ABHD6: variants seen among roughly 807,000 people sequenced by gnomAD.
ABHD6 encodes the protein monoacylglycerol lipase ABHD6.
Under a neutral mutation model 38.8 loss-of-function variants are expected in ABHD6, and 33 were observed. The ratio of observed to expected loss-of-function variants is 0.85; its 90% CI spans 0.64 to 1.14. ABHD6 has a LOEUF of 1.14. Ranked by LOEUF, ABHD6 falls within the 50% of genes most tolerant of loss-of-function variation. ABHD6 has a pLI of 0.00. For missense variants in ABHD6, 380 were observed against 422.6 expected (o/e 0.90, Z 0.88); for synonymous variants, 147 against 161.6 (o/e 0.91, Z 0.69).
At position 58,285,588 on chromosome 3, in the gene ABHD6, G is replaced by C; in HGVS notation, c.837+135G>C. Reference sequence around the variant, plus strand: ...TCAGGAAGAGGGGGAAGGCACCTGTGTTGGGTGCCAGTGTTGACAGTGGGC... The same window carrying C: ...TCAGGAAGAGGGGGAAGGCACCTGTCTTGGGTGCCAGTGTTGACAGTGGGC... On this transcript the variant is annotated intron_variant, in intron 9 of 9. Transcript: ENST00000478253. This position sits in a 1 kb window ranked among gnomAD's most constrained non-coding sequence, Gnocchi z 4.9. 1 of 741,208 alleles carries C rather than the reference G, an allele frequency of 1.3e-6. No individual in the cohort carries two copies. The highest frequency in any genetic ancestry group is 1.7e-5 in the South Asian group (1 of 58,724). The allele number at this position is 741,208 out of a possible 1,614,324, so 45.9% of individuals were successfully genotyped here.
rs180960297 is a variant in ABHD6 at position 58,279,846 on chromosome 3, T to C, written c.681+5031T>C. On this transcript the variant is annotated intron_variant, in intron 7 of 9. Coordinates refer to ENST00000478253, the MANE Select transcript of ABHD6 (RefSeq NM_001320126.2). ...AAGGATTTTATTTCTCCCTCACTTA[T>C]GAAGCTTAGTTTGGCTGGATATGAA... Among the ~76,000 whole-genome samples the C allele has an allele frequency of 6.8e-3, 1,036 of 152,344 alleles. 5 individuals carry two copies. The highest frequency in any genetic ancestry group is 7.9e-3 in the Non-Finnish European group (536 of 68,038).
intron 2 of ABHD6, among the ~76,000 whole-genome samples, chr3:58,253,652 CCTTA>C (rs1221721529): frequency 2.0e-5 from 3 of 152,108 alleles, no homozygotes; most frequent in Admixed American, 1.3e-4. Flanking sequence ...TTCATTTGTA[CCTTA>C]TTTGTGTCCT....
In ABHD6 at chr3:58,258,628, A is replaced by G. The variant is rs958776900; in HGVS notation, c.119+1923A>G. On this transcript the variant is annotated intron_variant, in intron 3 of 9. Coordinates refer to ENST00000478253, the MANE Select transcript of ABHD6 (RefSeq NM_001320126.2). The stretch of plus-strand genomic sequence containing the variant: ...CTGGTTCCTCTCTGTGCTATAGGTA[A>G]GCCCATTGAGATCTAACTGGGACTT... 4.4e-5 allele frequency: 9 copies of G among 202,286 alleles called. No homozygotes were observed. In the Admixed American group the frequency reaches 4.8e-4, roughly 11 times the overall value. The allele number at this position is 202,286 out of a possible 1,614,324, so 12.5% of individuals were successfully genotyped here.
Position 58,267,065 on chromosome 3 carries a change from A to G in ABHD6, c.120-124A>G. On this transcript the variant is annotated intron_variant, in intron 3 of 9. Transcript: ENST00000478253. This position sits in a 1 kb window ranked among gnomAD's most constrained non-coding sequence, Gnocchi z 4.3. ...AGGACTCTAGAGACTGATGGAGGAC[A>G]AGGGCTGGAGAAGTGTTTGTGTTAT... is the stretch of plus-strand genomic sequence containing the variant. 4 of 1,066,884 alleles carry G rather than the reference A, an allele frequency of 3.7e-6. No homozygotes were observed. Among genetic ancestry groups the G allele is most frequent in the Non-Finnish European group, 5.5e-6 (4 of 732,910 alleles). 66.1% of individuals were successfully genotyped at this position (1,066,884 alleles called of 1,614,324 possible). A position where few individuals can be genotyped will look rare whatever the true frequency, so the allele number is the denominator to read the frequency against.
At position 58,293,895 on chromosome 3, in the gene ABHD6, C is replaced by A; in HGVS notation, c.*130C>A. The A allele has an allele frequency of 9.8e-7, 1 of 1,021,252 alleles. No homozygotes were observed. The highest frequency in any genetic ancestry group is 1.8e-5 in the South Asian group (1 of 55,210). 63.3% of individuals were successfully genotyped at this position (1,021,252 alleles called of 1,614,324 possible). A position where few individuals can be genotyped will look rare whatever the true frequency, so the allele number is the denominator to read the frequency against. On this transcript the variant is annotated 3_prime_UTR_variant, in exon 10 of 10. Transcript: ENST00000478253. This position sits in a 1 kb window ranked among gnomAD's most constrained non-coding sequence, Gnocchi z 4.4. ...CCAGTGACCCTGAGGAAGCCCGTCC[C>A]TTATCCCTGGTATCCACGGTTCCCC...
chr3:58,278,107 A>G (rs1428284185), intron 7 of ABHD6, among the ~76,000 whole-genome samples: 14 of 152,172 alleles, frequency 9.2e-5, no homozygotes, highest in Non-Finnish European at 1.5e-4. Flanking sequence ...CATCAGGATG[A>G]TGCAGGCCTC....
At chr3:58,255,361 A>G (rs2097432543) in intron 2 of ABHD6, among the ~76,000 whole-genome samples, 1 of 152,150 alleles carries the variant, frequency 6.6e-6, no homozygotes, top group Non-Finnish European at 1.5e-5. Flanking sequence ...TATTCCTGAC[A>G]CTTAGCTATC....
chr3:58,290,306 C>T (rs1323078365), intron 9 of ABHD6, among the ~76,000 whole-genome samples: 1 of 141,192 alleles, frequency 7.1e-6, no homozygotes, highest in African/African-American at 2.6e-5. Flanking sequence ...TGACCCCCCC[C>T]ACCTCCCTCC....
In ABHD6 at chr3:58,294,063, C is replaced by T. The variant is rs2097465520; in HGVS notation, c.*298C>T. ...CACTGAGAAGCTTGTGCAAAGCAGC[C>T]ACCTTGGACCATAATTAAATCAAGG... On this transcript the variant is annotated 3_prime_UTR_variant, in exon 10 of 10. Coordinates refer to ENST00000478253, the MANE Select transcript of ABHD6 (RefSeq NM_001320126.2). The T allele has an allele frequency of 3.7e-6, 1 of 267,888 alleles. No individual in the cohort carries two copies. The highest frequency in any genetic ancestry group is 4.9e-5 in the Admixed American group (1 of 20,368). 16.6% of individuals were successfully genotyped at this position (267,888 alleles called of 1,614,324 possible). A position where few individuals can be genotyped will look rare whatever the true frequency, so the allele number is the denominator to read the frequency against.
At chr3:58,244,189 AATCAAAGCCAGTG>A (rs1475638393) in intron 1 of ABHD6, among the ~76,000 whole-genome samples, 1 of 152,200 alleles carries the variant, frequency 6.6e-6, no homozygotes, top group East Asian at 1.9e-4. Flanking sequence ...TATCTCTTGA[AATCAAAGCCAGTG>A]ATGTTAAGGA....
intron 7 of ABHD6, among the ~76,000 whole-genome samples, chr3:58,279,792 C>T (rs1054247092): frequency 1.9e-4 from 29 of 152,174 alleles, no homozygotes; most frequent in Admixed American, 4.6e-4. Context: ...CTGGTGGTGA[C>T]AGAATCTCTC....
chr3:58,264,398 C>T (rs1005177681), intron 3 of ABHD6, among the ~76,000 whole-genome samples: 1 of 33,936 alleles, frequency 2.9e-5, no homozygotes, highest in African/African-American at 2.1e-4. Context: ...CACACACACA[C>T]ACACACACAC....
chr3:58,291,135 C>T (rs1484024168), intron 9 of ABHD6, among the ~76,000 whole-genome samples: 23 of 151,402 alleles, frequency 1.5e-4, no homozygotes, highest in Middle Eastern at 3.4e-3. Flanking sequence ...CCGGCACCTC[C>T]GGAGGCCGAG....
chr3:58,282,577 A>T (rs1034583750), intron 7 of ABHD6, among the ~76,000 whole-genome samples: 17 of 151,992 alleles, frequency 1.1e-4, no homozygotes, highest in African/African-American at 2.4e-4. Flanking sequence ...ACAAAAAAAA[A>T]TTTTTTTAAT....
chr3:58,252,636 C>A (rs1419282575), intron 2 of ABHD6, among the ~76,000 whole-genome samples: 1 of 152,206 alleles, frequency 6.6e-6, no homozygotes, highest in Non-Finnish European at 1.5e-5. Context: ...CTGAAACATT[C>A]TTTAGTACTC....
chr3:58,292,736 G>A (rs1485985134), intron 9 of ABHD6, among the ~76,000 whole-genome samples: 1 of 151,900 alleles, frequency 6.6e-6, no homozygotes, highest in Non-Finnish European at 1.5e-5. Flanking sequence ...GGCCAACGTG[G>A]TGAAACCCCA....
intron 6 of ABHD6, among the ~76,000 whole-genome samples, chr3:58,272,940 A>C (rs915997691): frequency 2.6e-5 from 4 of 152,152 alleles, no homozygotes; most frequent in Non-Finnish European, 5.9e-5. Flanking sequence ...TACCACAGTA[A>C]ATTTTTTCAC....
chr3:58,259,434 C>A lies in ABHD6; in HGVS notation c.119+2729C>A, dbSNP rs989793558. On this transcript the variant is annotated intron_variant, in intron 3 of 9. Coordinates refer to ENST00000478253, the MANE Select transcript of ABHD6 (RefSeq NM_001320126.2). The surrounding 1 kb of genome is among the most constrained non-coding windows in gnomAD (Gnocchi z 4.7). ...ATGGCTCACACCTGTAATCCCAGCACTTTGGGAGGCTAAGGCAGGAGGATC... is the reference window on the plus strand; with the variant it reads ...ATGGCTCACACCTGTAATCCCAGCAATTTGGGAGGCTAAGGCAGGAGGATC... Among the ~76,000 whole-genome samples the A allele has an allele frequency of 3.3e-5, 5 of 152,152 alleles. No individual in the cohort carries two copies. The highest frequency in any genetic ancestry group is 9.7e-5 in the African/African-American group (4 of 41,438).
rs926295142 is a variant in ABHD6, at chr3:58,285,840, T to A, written c.837+387T>A. Among the ~76,000 whole-genome samples, 1 of 152,150 alleles carries A rather than the reference T, an allele frequency of 6.6e-6. No homozygotes were observed. Among genetic ancestry groups the A allele is most frequent in the Non-Finnish European group, 1.5e-5 (1 of 68,030 alleles). The stretch of plus-strand genomic sequence containing the variant: ...ATCTTACTATCTTGAATATATTTCT[T>A]TTCTTTTTTTCGTTTGAGACGGAGT... On this transcript the variant is annotated intron_variant, in intron 9 of 9. Coordinates refer to ENST00000478253, the MANE Select transcript of ABHD6 (RefSeq NM_001320126.2). This position sits in a 1 kb window ranked among gnomAD's most constrained non-coding sequence, Gnocchi z 4.9.
Sources: allele counts gnomAD v4.1 joint callset (sites outside exome capture counted in the v4.1 genomes callset), GRCh38; gene constraint gnomAD v4.1.1; non-coding constraint Gnocchi (gnomAD v3.1); transcripts MANE v1.5; gene names NCBI Gene and HGNC (gene_info 2026-07-23, HGNC 2026-07-21).